RUFY1: variants seen among roughly 807,000 people sequenced by gnomAD.
The protein encoded by RUFY1 is RUN and FYVE domain containing 1.
RUFY1 carries 54 observed loss-of-function variants against 94.6 expected under a neutral mutation model. The ratio of observed to expected loss-of-function variants is 0.57; its 90% CI spans 0.46 to 0.72. RUFY1 has a LOEUF of 0.72. RUFY1 is among the 30% of genes least tolerant of loss of function. RUFY1 has a pLI of 0.00. For synonymous variants in RUFY1, 396 were observed against 347.3 expected (o/e 1.14, Z -1.56); for missense variants, 883 against 883.9 (o/e 1.00, Z 0.01).
intron 14 of RUFY1, among the ~76,000 whole-genome samples, chr5:179,601,522 CT>C (rs1228880111): frequency 5.5e-3 from 785 of 141,442 alleles, no homozygotes; most frequent in Middle Eastern, 0.011. Context: ...GTTGCTGAAT[CT>C]TTTTTTTTTT....
chr5:179,606,228 G>A (rs550625436), intron 16 of RUFY1: 31 of 451,940 alleles, frequency 6.9e-5, no homozygotes, highest in Admixed American at 3.0e-4. Context: ...AGGGACCCGC[G>A]GATATCTTTA....
chr5:179,569,746 T>C (rs1047031405), intron 5 of RUFY1, among the ~76,000 whole-genome samples: 4 of 126,146 alleles, frequency 3.2e-5, no homozygotes, highest in Non-Finnish European at 7.4e-5. Flanking sequence ...TGTAGCTTTT[T>C]TGTTGTTGTT....
rs752248369 is a variant in RUFY1, at chr5:179,596,577, G to A, written c.1527G>A (p.Glu509=). 1.2e-6 allele frequency: 2 copies of A among 1,613,688 alleles called. No individual in the cohort carries two copies. Among genetic ancestry groups the A allele is most frequent in the Admixed American group, 1.7e-5 (1 of 60,016 alleles). ...TCGCATCCAGGTTGCAGCACTCGGA[G>A]CGGGCGAGGCAGGGGGCTGAGGAGC... The part of the protein sequence containing the change: ...KQMEERLQHS[E]RARQGAEERS... The change falls in exon 13 of 18, where the codon GAG becomes GAA. Residue 509 remains glutamate (E), a synonymous_variant. Coordinates refer to ENST00000319449, the MANE Select transcript of RUFY1 (RefSeq NM_025158.5).
chr5:179,590,891 T>C (rs1765027390), intron 9 of RUFY1: 2 of 152,010 alleles, frequency 1.3e-5, no homozygotes, highest in Non-Finnish European at 2.9e-5. Flanking sequence ...TGGAATGTAG[T>C]GGCGTGATCT....
intron 9 of RUFY1, among the ~76,000 whole-genome samples, 198 bp from the exon 10 acceptor site, chr5:179,591,427 G>A (rs536416742): frequency 1.0e-3 from 149 of 147,538 alleles, no homozygotes; most frequent in African/African-American, 2.6e-3. Context: ...CTCGTGATCC[G>A]CCCGCCTCGG....
At chr5:179,608,336 C>T (rs952633076) in intron 17 of RUFY1, 30 of 985,664 alleles carry the variant, frequency 3.0e-5, no homozygotes, top group Non-Finnish European at 3.4e-5. Flanking sequence ...GCTCCCCAAC[C>T]CGAGTTTCAG....
chr5:179,569,603 G>A (rs1441340831), intron 5 of RUFY1, among the ~76,000 whole-genome samples, 178 bp downstream of exon 5: 1 of 152,072 alleles, frequency 6.6e-6, no homozygotes, highest in South Asian at 2.1e-4. Context: ...ATAGCCAGAG[G>A]TACACACGGA....
At chr5:179,582,977 G>T (rs1293892607) in intron 7 of RUFY1, among the ~76,000 whole-genome samples, 2 of 152,092 alleles carry the variant, frequency 1.3e-5, no homozygotes, top group African/African-American at 4.8e-5. Flanking sequence ...GGAACAGCTA[G>T]CTTCTAGATC....
Position 179,598,620 on chromosome 5 carries a change from G to A in RUFY1, c.1632-72G>A, listed in dbSNP as rs1002885604. On this transcript the variant is annotated intron_variant, in intron 13 of 17. Transcript: ENST00000319449. The stretch of plus-strand genomic sequence containing the variant: ...TCAGAGACTTCCCTGTTTCCTGGGC[G>A]GTGAATTGGGTTGTGAATCTTCCGT... The A allele has an allele frequency of 4.0e-5, 62 of 1,559,786 alleles. No individual in the cohort carries two copies. The Admixed American group carries it at 7.5e-4, about 19-fold the overall frequency.
intron 2 of RUFY1, among the ~76,000 whole-genome samples, chr5:179,562,241 G>A (rs914158876): frequency 6.6e-6 from 1 of 151,766 alleles, no homozygotes; most frequent in Non-Finnish European, 1.5e-5. Context: ...GTGAAACCCC[G>A]TCTCTACTAA....
intron 1 of RUFY1, among the ~76,000 whole-genome samples, chr5:179,552,623 C>T (rs1170152616): frequency 2.0e-5 from 3 of 152,176 alleles, no homozygotes; most frequent in Non-Finnish European, 4.4e-5. Flanking sequence ...TACTCATTGA[C>T]AGTCAGTACT....
At chr5:179,555,115 G>GA (rs1561949222) in intron 1 of RUFY1, among the ~76,000 whole-genome samples, 1 of 152,272 alleles carries the variant, frequency 6.6e-6, no homozygotes, top group East Asian at 1.9e-4. Context: ...TACCCACAAG[G>GA]AATGTATCTT....
At chr5:179,581,531 T>A (rs568139856) in intron 7 of RUFY1, among the ~76,000 whole-genome samples, 3 of 150,230 alleles carry the variant, frequency 2.0e-5, no homozygotes, top group Non-Finnish European at 4.4e-5. Context: ...TGGAGAGACA[T>A]GTTATTCCCT....
chr5:179,608,747 G>A, intron 17 of RUFY1: 1 of 471,690 alleles, frequency 2.1e-6, no homozygotes, highest in Non-Finnish European at 2.8e-6. Context: ...CCAAGATGGT[G>A]AAACCCCATC....
intron 5 of RUFY1, among the ~76,000 whole-genome samples, chr5:179,570,629 G>T (rs537596793): frequency 6.6e-6 from 1 of 152,310 alleles, no homozygotes; most frequent in East Asian, 1.9e-4. Context: ...GGCATCCGCA[G>T]CTGTAGCTGG....
At chr5:179,556,614 C>T (rs1005305848) in intron 1 of RUFY1, among the ~76,000 whole-genome samples, 1 of 152,050 alleles carries the variant, frequency 6.6e-6, no homozygotes, top group Admixed American at 6.6e-5. Context: ...GATCCTCCCA[C>T]CTCAGCCTCC....
chr5:179,552,671 A>G (rs975952356), intron 1 of RUFY1, among the ~76,000 whole-genome samples: 1 of 152,200 alleles, frequency 6.6e-6, no homozygotes, highest in East Asian at 1.9e-4. Context: ...GGCCTCTTAG[A>G]TATTTCGTGG....
chr5:179,577,117 G>C lies in RUFY1; in HGVS notation c.871G>C (p.Asp291His), dbSNP rs771398268. Reference protein sequence around the residue: ...DFSLYLKDVQDLDGGKEHERI... With the variant: ...DFSLYLKDVQHLDGGKEHERI... ...TTCCCTCTACCTTAAGGATGTGCAG[G>C]ATCTTGATGGTGGCAAGGAGTAAGT... Residue 291 changes from aspartate (D) to histidine (H), a missense_variant, in exon 6 of 18, where the codon GAT (aspartate) becomes CAT (histidine). Transcript: ENST00000319449. 8 of 1,522,610 alleles carry C rather than the reference G, an allele frequency of 5.3e-6. No individual in the cohort carries two copies. In the Admixed American group the frequency reaches 1.4e-4, roughly 26 times the overall value. 94.3% of individuals were successfully genotyped at this position (1,522,610 alleles called of 1,614,324 possible).
intron 11 of RUFY1, among the ~76,000 whole-genome samples, chr5:179,594,074 C>T (rs1287215073): frequency 6.6e-6 from 1 of 150,960 alleles, no homozygotes; most frequent in Non-Finnish European, 1.5e-5. Flanking sequence ...GGAGGCCGAG[C>T]GGGCAGATCA....
Sources: gnomAD v4.1 joint callset for allele counts (sites outside exome capture counted in the v4.1 genomes callset) on GRCh38, gnomAD v4.1.1 for gene constraint, MANE v1.5 for transcripts, NCBI Gene and HGNC (gene_info 2026-07-23, HGNC 2026-07-21) for gene names.